The following RUNX1 variants were observed in gnomAD, a reference collection of about 807,000 sequenced individuals.
RUNX1 encodes RUNX family transcription factor 1.
Under a neutral mutation model 42.8 loss-of-function variants are expected in RUNX1, and 19 were observed. The ratio of observed to expected loss-of-function variants is 0.44; its 90% CI spans 0.31 to 0.65. RUNX1 has a LOEUF of 0.65. Ranked by LOEUF, RUNX1 falls within the 30% of genes least tolerant of loss-of-function variation. The pLI is 0.07. For missense variants in RUNX1, 528 were observed against 672.0 expected, an observed-to-expected ratio of 0.79 and a Z score of 2.37; for synonymous variants, 271 against 289.4, an observed-to-expected ratio of 0.94 and a Z score of 0.64.
Position 34,996,911 on chromosome 21 carries a change from A to G in RUNX1, c.58+51931T>C, listed in dbSNP as rs80115815. On this transcript the variant is annotated intron_variant, in intron 2 of 8. Coordinates refer to ENST00000675419, the MANE Select transcript of RUNX1 (RefSeq NM_001754.5). ...AGATCTTGAGCAATAAGACATAGAT[A>G]CTATCACAATATTTTGCAAATCTCA... Among the ~76,000 whole-genome samples the G allele has an allele frequency of 6.0e-3, 908 of 152,350 alleles. 6 individuals carry two copies. Among genetic ancestry groups the G allele is most frequent in the African/African-American group, 0.021 (860 of 41,582 alleles).
chr21:34,805,706 G>A (rs1475381671), intron 7 of RUNX1, among the ~76,000 whole-genome samples: 1 of 152,154 alleles, frequency 6.6e-6, no homozygotes, highest in East Asian at 1.9e-4. Context: ...CCTGCCCTAT[G>A]AGAAATGTCA....
At chr21:35,035,905 T>C (rs752560724) in intron 2 of RUNX1, among the ~76,000 whole-genome samples, 16 of 152,130 alleles carry the variant, frequency 1.1e-4, no homozygotes, top group African/African-American at 1.4e-4. Context: ...TTAAAACAAC[T>C]CCAACTGCTT....
chr21:34,927,160 A>G (rs1048615766), intron 2 of RUNX1, among the ~76,000 whole-genome samples: 27 of 152,194 alleles, frequency 1.8e-4, no homozygotes, highest in Middle Eastern at 6.3e-3. Flanking sequence ...GAAAATTCAT[A>G]AAGAAAGTGA....
At chr21:34,993,603 ACACACAGG>A (rs1456852866) in intron 2 of RUNX1, among the ~76,000 whole-genome samples, 18 of 112,968 alleles carry the variant, frequency 1.6e-4, no homozygotes, top group Non-Finnish European at 3.0e-4. Context: ...ACACACAGGC[ACACACAGG>A]CACACACACA....
chr21:34,953,066 C>T (rs895232137), intron 2 of RUNX1, among the ~76,000 whole-genome samples: 21 of 151,822 alleles, frequency 1.4e-4, no homozygotes, highest in Admixed American at 2.0e-4. Flanking sequence ...CACAAAGGCA[C>T]AAAGACTTAA....
At chr21:34,815,265 T>A (rs2056809837) in intron 7 of RUNX1, among the ~76,000 whole-genome samples, 1 of 152,196 alleles carries the variant, frequency 6.6e-6, no homozygotes, top group African/African-American at 2.4e-5. Flanking sequence ...TTGTGTGTTT[T>A]AGACAACTGT....
intron 7 of RUNX1, among the ~76,000 whole-genome samples, chr21:34,822,443 T>C (rs2056921506): frequency 6.6e-6 from 1 of 152,256 alleles, no homozygotes; most frequent in African/African-American, 2.4e-5. Context: ...ATAACTGCTC[T>C]GTGATAACCC....
chr21:34,868,308 G>A (rs1375873086), intron 5 of RUNX1, among the ~76,000 whole-genome samples: 3 of 152,122 alleles, frequency 2.0e-5, no homozygotes, highest in East Asian at 3.9e-4. Flanking sequence ...AGCTCCCCAC[G>A]CACCCTCCAA....
intron 2 of RUNX1, among the ~76,000 whole-genome samples, chr21:34,916,126 T>C (rs529671188): frequency 7.9e-5 from 12 of 152,212 alleles, no homozygotes; most frequent in Admixed American, 1.3e-4. Flanking sequence ...AAGTCACTGA[T>C]TGATTTTCTG....
intron 2 of RUNX1, among the ~76,000 whole-genome samples, chr21:34,910,039 A>T (rs2058259783): frequency 1.3e-5 from 2 of 152,324 alleles, no homozygotes; most frequent in South Asian, 4.1e-4. Flanking sequence ...TGGCCACTGA[A>T]AGAAGCCAGT....
At chr21:35,038,994 T>G (rs1290402481) in intron 2 of RUNX1, among the ~76,000 whole-genome samples, 1 of 152,056 alleles carries the variant, frequency 6.6e-6, no homozygotes, top group Non-Finnish European at 1.5e-5. Context: ...GGTGCTGGAT[T>G]TTGGGGAAGA....
intron 2 of RUNX1, among the ~76,000 whole-genome samples, chr21:34,942,418 C>T (rs1425883079): frequency 1.3e-5 from 2 of 152,112 alleles, no homozygotes; most frequent in East Asian, 1.9e-4. Context: ...TATTGGTTCA[C>T]TTGCAGGTTT....
chr21:34,820,018 CA>C (rs913005323), intron 7 of RUNX1, among the ~76,000 whole-genome samples: 3 of 152,212 alleles, frequency 2.0e-5, no homozygotes, highest in Non-Finnish European at 2.9e-5. Flanking sequence ...TTAAAAACAC[CA>C]AAGAGGCTGA....
At chr21:34,876,035 T>C (rs1017874859) in intron 5 of RUNX1, among the ~76,000 whole-genome samples, 4 of 152,204 alleles carry the variant, frequency 2.6e-5, no homozygotes, top group Non-Finnish European at 5.9e-5. Context: ...GGATACTATT[T>C]TGAAAGTGGG....
At chr21:34,884,510 T>C (rs2057951185) in intron 4 of RUNX1, among the ~76,000 whole-genome samples, 1 of 152,212 alleles carries the variant, frequency 6.6e-6, no homozygotes, top group African/African-American at 2.4e-5. Context: ...GATCCAAATT[T>C]TAAAGTAATA....
chr21:35,014,887 A>G (rs1315677391), intron 2 of RUNX1, among the ~76,000 whole-genome samples: 1 of 152,212 alleles, frequency 6.6e-6, no homozygotes, highest in Non-Finnish European at 1.5e-5. Flanking sequence ...TTGGCAGCAC[A>G]TGGTGATGCT....
intron 2 of RUNX1, chr21:35,038,646 T>TGA (rs765305241): frequency 1.3e-4 from 60 of 444,862 alleles, no homozygotes; most frequent in African/African-American, 9.5e-4. Flanking sequence ...TGTGTGTGTG[T>TGA]GAGATAGAGA....
At chr21:34,934,227 C>T (rs542220851) in intron 2 of RUNX1, among the ~76,000 whole-genome samples, 33 of 152,150 alleles carry the variant, frequency 2.2e-4, no homozygotes, top group African/African-American at 7.7e-4. Flanking sequence ...CCTGTTGCCC[C>T]ACCCCAAAAA....
intron 2 of RUNX1, among the ~76,000 whole-genome samples, chr21:35,005,063 T>C (rs763406297): frequency 2.0e-5 from 3 of 152,172 alleles, no homozygotes; most frequent in Non-Finnish European, 2.9e-5. Flanking sequence ...CTGTCACCAC[T>C]GAATTGTTGA....
Sources: gnomAD v4.1 joint callset for allele counts (sites outside exome capture counted in the v4.1 genomes callset) on GRCh38, gnomAD v4.1.1 for gene constraint, MANE v1.5 for transcripts, NCBI Gene and HGNC (gene_info 2026-07-23, HGNC 2026-07-21) for gene names.